The following ALPK2 variants were observed in gnomAD, a reference collection of about 807,000 sequenced individuals.
The protein encoded by ALPK2 is alpha kinase 2.
ALPK2 carries 127 observed loss-of-function variants against 163.1 expected under a neutral mutation model. The ratio of observed to expected loss-of-function variants is 0.78; its 90% CI spans 0.67 to 0.90. The LOEUF (loss-of-function observed/expected upper bound fraction) is 0.90, where lower values mean the gene tolerates loss of function less well. ALPK2 is among the 40% of genes least tolerant of loss of function. ALPK2 has a pLI of 0.00. For missense variants in ALPK2, 2,360 were observed against 2,589.6 expected (o/e 0.91, Z 1.92); for synonymous variants, 953 against 959.1 (o/e 0.99, Z 0.12).
intron 4 of ALPK2, among the ~76,000 whole-genome samples, chr18:58,548,656 C>G (rs2051733099): frequency 6.6e-6 from 1 of 152,154 alleles, no homozygotes. Flanking sequence ...AATAACCCCT[C>G]TGGCAGTACA....
intron 4 of ALPK2, among the ~76,000 whole-genome samples, chr18:58,546,767 C>T (rs995614191): frequency 6.6e-6 from 1 of 152,004 alleles, no homozygotes; most frequent in Non-Finnish European, 1.5e-5. Flanking sequence ...TGTTTTCCTG[C>T]ATAGATGATG....
chr18:58,624,573 G>T (rs2052219704), intron 1 of ALPK2, among the ~76,000 whole-genome samples: 1 of 151,974 alleles, frequency 6.6e-6, no homozygotes, highest in African/African-American at 2.4e-5. Flanking sequence ...TCCTGCCTCA[G>T]CCTCTCAAGT....
chr18:58,552,266 G>A (rs954438551), intron 4 of ALPK2, among the ~76,000 whole-genome samples: 1 of 152,150 alleles, frequency 6.6e-6, no homozygotes, highest in East Asian at 1.9e-4. Flanking sequence ...TCAATTGGAG[G>A]GGGCGGGGGA....
chr18:58,547,439 C>A (rs986878254), intron 4 of ALPK2, among the ~76,000 whole-genome samples: 2 of 152,222 alleles, frequency 1.3e-5, no homozygotes, highest in Non-Finnish European at 2.9e-5. Flanking sequence ...TCCTCTGCCT[C>A]CCTGGTCTCT....
At chr18:58,503,509 G>A (rs1320179839) in intron 11 of ALPK2, among the ~76,000 whole-genome samples, 4 of 152,098 alleles carry the variant, frequency 2.6e-5, no homozygotes, top group Admixed American at 1.3e-4. Flanking sequence ...CTGGGAAACC[G>A]TCCAGGACGC....
rs2051311501 is a variant in ALPK2 at position 58,481,623 on chromosome 18, C to T, written c.*200G>A. ...TCGTTGATTCAATCTCCCCATAAAC[C>T]TGGTCGCAAATCCTGTTCTGAAATC... On this transcript the variant is annotated 3_prime_UTR_variant, in exon 13 of 13. Transcript: ENST00000361673. 3.4e-6 allele frequency: 2 copies of T among 595,510 alleles called. No individual in the cohort carries two copies. Among genetic ancestry groups the T allele is most frequent in the Admixed American group, 3.0e-5 (1 of 33,124 alleles). 36.9% of individuals were successfully genotyped at this position (595,510 alleles called of 1,614,324 possible).
At chr18:58,620,443 A>G (rs1602243314) in intron 1 of ALPK2, among the ~76,000 whole-genome samples, 1 of 152,250 alleles carries the variant, frequency 6.6e-6, no homozygotes, top group East Asian at 1.9e-4. Flanking sequence ...ATATAATTCC[A>G]TTTATATGAA....
chr18:58,492,217 C>T (rs1345349067), intron 12 of ALPK2, among the ~76,000 whole-genome samples: 5 of 152,086 alleles, frequency 3.3e-5, no homozygotes, highest in African/African-American at 1.2e-4. Flanking sequence ...CACAGACACA[C>T]ATGCACACAC....
chr18:58,537,568 C>T lies in ALPK2; in HGVS notation c.2619G>A (p.Val873=). 1 of 1,614,042 alleles carries T rather than the reference C, an allele frequency of 6.2e-7. No homozygotes were observed. The highest frequency in any genetic ancestry group is 8.5e-7 in the Non-Finnish European group (1 of 1,179,918). ...CGTCCTTGCTGCTTTTGCACGTAGA[C>T]ACTGAAGTCTCAGACACTTGTGTCT... is the stretch of plus-strand genomic sequence containing the variant. ...FFQTQVSETS[V]STCKSSKDGN... Residue 873 remains valine, a synonymous_variant, in exon 5 of 13, where the codon GTG becomes GTA. Coordinates refer to ENST00000361673, the MANE Select transcript of ALPK2 (RefSeq NM_052947.4).
chr18:58,622,311 C>A (rs2052206404), intron 1 of ALPK2, among the ~76,000 whole-genome samples: 1 of 152,138 alleles, frequency 6.6e-6, no homozygotes. Context: ...CGCACCATTG[C>A]ACTCCAGCCT....
intron 4 of ALPK2, among the ~76,000 whole-genome samples, chr18:58,563,063 CT>C (rs1462381856): frequency 1.3e-5 from 2 of 152,234 alleles, no homozygotes; most frequent in African/African-American, 2.4e-5. Context: ...GATGCTCCCC[CT>C]GGGGGAATTT....
intron 12 of ALPK2, among the ~76,000 whole-genome samples, chr18:58,493,908 T>C (rs1284999877): frequency 6.6e-6 from 1 of 152,222 alleles, no homozygotes; most frequent in Non-Finnish European, 1.5e-5. Flanking sequence ...TTCTTTGTTT[T>C]ATTTCAATCT....
chr18:58,612,103 T>C (rs1276973257), intron 1 of ALPK2, among the ~76,000 whole-genome samples: 1 of 151,930 alleles, frequency 6.6e-6, no homozygotes, highest in African/African-American at 2.4e-5. Context: ...TGTGTGACAA[T>C]CAAAAATGTC....
Position 58,554,317 on chromosome 18 carries a change from A to G in ALPK2, c.1963-16093T>C, listed in dbSNP as rs557507327. The stretch of plus-strand genomic sequence containing the variant: ...AGTCTGCCCAGCACAGAGTTGGTTC[A>G]GAATGGTAAGAAATCTGCCACTCTT... On this transcript the variant is annotated intron_variant, in intron 4 of 12. Transcript: ENST00000361673. Among the ~76,000 whole-genome samples, 3 of 152,344 alleles carry G rather than the reference A, an allele frequency of 2.0e-5. No individual in the cohort carries two copies. In the East Asian group the frequency reaches 5.8e-4, roughly 29 times the overall value.
chr18:58,518,252 A>G (rs1480217126), intron 8 of ALPK2, among the ~76,000 whole-genome samples: 1 of 152,242 alleles, frequency 6.6e-6, no homozygotes, highest in African/African-American at 2.4e-5. Flanking sequence ...ATTTAAAATC[A>G]TACGATTTGA....
chr18:58,580,230 A>G lies in ALPK2; in HGVS notation c.546T>C (p.Ile182=). ...AAGGATTTTCAGAACTGGACACACT[A>G]ATGTCAAGATTGCCCAATGACTGGA... ...LSLQSLGNLD[I]SVSSSENPLG... Residue 182 remains isoleucine (I), a synonymous_variant, in exon 4 of 13, where the codon ATT becomes ATC. Transcript: ENST00000361673. 6.2e-7 allele frequency: 1 copy of G among 1,614,226 alleles called. No individual in the cohort carries two copies. Among genetic ancestry groups the G allele is most frequent in the Non-Finnish European group, 8.5e-7 (1 of 1,180,036 alleles).
chr18:58,490,574 C>A (rs1365703636), intron 12 of ALPK2, among the ~76,000 whole-genome samples: 1 of 152,144 alleles, frequency 6.6e-6, no homozygotes, highest in Non-Finnish European at 1.5e-5. Context: ...CCCAGCTACC[C>A]CCAACAGAAA....
chr18:58,537,883 G>A lies in ALPK2; in HGVS notation c.2304C>T (p.Phe768=), dbSNP rs2051662820. ...CAACAGAGACAGCCACAGGCTCCCT[G>A]AAGTCAGCACGAGCATCCTTGGGGA... ...RHLPKDARAD[F]REPVAVSVAS... is the part of the protein sequence containing the mutation. The change falls in exon 5 of 13, where the codon TTC becomes TTT. Residue 768 remains phenylalanine (F), a synonymous_variant. Coordinates refer to ENST00000361673, the MANE Select transcript of ALPK2 (RefSeq NM_052947.4). The A allele has an allele frequency of 2.5e-6, 4 of 1,614,182 alleles. No homozygotes were observed. Among genetic ancestry groups the A allele is most frequent in the Non-Finnish European group, 3.4e-6 (4 of 1,180,034 alleles).
rs539724269 is a variant in ALPK2 at position 58,568,579 on chromosome 18, G to A, written c.1962+10235C>T. Among the ~76,000 whole-genome samples, 33 of 152,248 alleles carry A rather than the reference G, an allele frequency of 2.2e-4. No individual in the cohort carries two copies. The South Asian group carries it at 3.1e-3, about 14-fold the overall frequency. ...AGGACCTCCGGGGTGGGGCTTGTATGTCTGTATACAGTTAGCCTCTGTATC... is the reference window on the plus strand; with the variant it reads ...AGGACCTCCGGGGTGGGGCTTGTATATCTGTATACAGTTAGCCTCTGTATC... On this transcript the variant is annotated intron_variant, in intron 4 of 12. Coordinates refer to ENST00000361673, the MANE Select transcript of ALPK2 (RefSeq NM_052947.4).
Sources: allele counts gnomAD v4.1 joint callset (sites outside exome capture counted in the v4.1 genomes callset), GRCh38; gene constraint gnomAD v4.1.1; transcripts MANE v1.5; gene names NCBI Gene and HGNC (gene_info 2026-07-23, HGNC 2026-07-21).